The following FRMPD4 variants were observed in gnomAD, a reference collection of about 807,000 sequenced individuals.
FRMPD4 encodes FERM and PDZ domain containing 4.
Under a neutral mutation model 94.1 loss-of-function variants are expected in FRMPD4, and 22 were observed. The observed-to-expected ratio is 0.23, with a 90% CI of 0.17 to 0.33. The LOEUF (loss-of-function observed/expected upper bound fraction) is 0.33. Ranked by LOEUF, FRMPD4 falls within the 10% of genes least tolerant of loss-of-function variation. The pLI is 1.00. For synonymous variants in FRMPD4, 631 were observed against 548.6 expected, an observed-to-expected ratio of 1.15 and a Z score of -2.10; for missense variants, 1,111 against 1,339.9, an observed-to-expected ratio of 0.83 and a Z score of 2.67.
intron 1 of FRMPD4, among the ~76,000 whole-genome samples, chrX:12,216,318 A>G (rs999527623): frequency 1.8e-5 from 2 of 111,555 alleles, no homozygotes; most frequent in Non-Finnish European, 3.8e-5. Flanking sequence ...TCAGCCTAGT[A>G]GCATCCAGAC....
intron 1 of FRMPD4, among the ~76,000 whole-genome samples, chrX:12,298,132 AG>A (rs2054802391): frequency 8.9e-6 from 1 of 111,789 alleles, no homozygotes; most frequent in Non-Finnish European, 1.9e-5. Context: ...AAAAGTAACC[AG>A]GTTTTTTGCT....
At chrX:11,918,518 C>T (rs1364992994) in intron 3 of FRMPD4, among the ~76,000 whole-genome samples, 1 of 112,350 alleles carries the variant, frequency 8.9e-6, no homozygotes, top group Non-Finnish European at 1.9e-5. Flanking sequence ...GTGGGAGAAT[C>T]GCTTGAAACT....
chrX:12,232,824 G>A (rs914180660), intron 1 of FRMPD4, among the ~76,000 whole-genome samples: 4 of 111,801 alleles, frequency 3.6e-5, no homozygotes, highest in Non-Finnish European at 7.5e-5. Context: ...GGACAAATAA[G>A]AGATTCCTTG....
At chrX:11,971,971 C>T (rs2054342571) in intron 3 of FRMPD4, among the ~76,000 whole-genome samples, 1 of 111,587 alleles carries the variant, frequency 9.0e-6, no homozygotes, top group Non-Finnish European at 1.9e-5. Flanking sequence ...CCCCTATTCT[C>T]AAGTGAGAAT....
chrX:12,670,769 A>G (rs2059832063), intron 4 of FRMPD4, among the ~76,000 whole-genome samples: 1 of 112,327 alleles, frequency 8.9e-6, no homozygotes, highest in Admixed American at 9.4e-5. Context: ...GCTTCTGCAC[A>G]GCAAAAGAAA....
At chrX:12,231,343 C>T (rs754595188) in intron 1 of FRMPD4, among the ~76,000 whole-genome samples, 105 of 108,069 alleles carry the variant, frequency 9.7e-4, no homozygotes, top group Non-Finnish European at 1.8e-3. Context: ...TAGTGTCAGC[C>T]TCCTCATTGT....
At chrX:12,276,291 C>T (rs995005191) in intron 1 of FRMPD4, among the ~76,000 whole-genome samples, 4 of 112,252 alleles carry the variant, frequency 3.6e-5, no homozygotes, top group Non-Finnish European at 7.5e-5. Flanking sequence ...GACGATGACA[C>T]AGTCCTCAGG....
At chrX:12,567,856 C>G (rs1363772920) in intron 2 of FRMPD4, among the ~76,000 whole-genome samples, 1 of 111,626 alleles carries the variant, frequency 9.0e-6, no homozygotes, top group Non-Finnish European at 1.9e-5. Flanking sequence ...GCATTTTGAG[C>G]CAACAGAGAT....
chrX:12,104,053 G>A (rs143027032), intron 3 of FRMPD4, among the ~76,000 whole-genome samples: 5,423 of 112,022 alleles, frequency 0.048, 299 homozygotes, highest in African/African-American at 0.17. Context: ...CATGGCAGAA[G>A]TCATTAGGGC....
chrX:12,544,947 T>A lies in FRMPD4; in HGVS notation c.158+46151T>A, dbSNP rs193224194. Among the ~76,000 whole-genome samples the A allele has an allele frequency of 3.8e-3, 425 of 112,264 alleles. 4 individuals are homozygous for A. The highest frequency in any genetic ancestry group is 0.013 in the African/African-American group (410 of 30,971). On this transcript the variant is annotated intron_variant, in intron 2 of 16. Coordinates refer to ENST00000675598, the MANE Select transcript of FRMPD4 (RefSeq NM_001368397.1). The stretch of plus-strand genomic sequence containing the variant: ...ACTAGATTCTGCATACTTTTGTTTC[T>A]GTATCAGTGTAAATGCCCCTTCTGT...
At chrX:11,847,982 T>C (rs2053590408) in intron 1 of FRMPD4, among the ~76,000 whole-genome samples, 4 of 105,062 alleles carry the variant, frequency 3.8e-5, no homozygotes, top group Admixed American at 3.1e-4. Flanking sequence ...TGTAGACATA[T>C]GTAACTAACC....
chrX:12,439,364 T>TAACA (rs1271807140), intron 1 of FRMPD4, among the ~76,000 whole-genome samples: 1 of 111,680 alleles, frequency 9.0e-6, no homozygotes, highest in Non-Finnish European at 1.9e-5. Context: ...GATGGCAGAC[T>TAACA]AACACGTTAG....
chrX:12,590,363 C>T (rs1157065884), intron 2 of FRMPD4, among the ~76,000 whole-genome samples: 1 of 112,048 alleles, frequency 8.9e-6, no homozygotes, highest in Non-Finnish European at 1.9e-5. Context: ...TAGAAAAACC[C>T]TTCTTATTAT....
At chrX:12,507,104 G>A (rs751600289) in intron 2 of FRMPD4, among the ~76,000 whole-genome samples, 2 of 112,284 alleles carry the variant, frequency 1.8e-5, no homozygotes, top group East Asian at 5.6e-4. Context: ...TTTTAAAAAA[G>A]CATTTCTCAC....
At chrX:11,968,687 C>T (rs991830243) in intron 3 of FRMPD4, among the ~76,000 whole-genome samples, 1 of 111,258 alleles carries the variant, frequency 9.0e-6, no homozygotes, top group Non-Finnish European at 1.9e-5. Flanking sequence ...TCCTGAATTC[C>T]TTAGCTTGGA....
intron 1 of FRMPD4, among the ~76,000 whole-genome samples, chrX:12,350,904 A>G (rs188351205): frequency 2.0e-4 from 22 of 112,754 alleles, no homozygotes; most frequent in South Asian, 3.6e-4. Context: ...GGCCGGGCAC[A>G]GTGGCTCACG....
intron 3 of FRMPD4, among the ~76,000 whole-genome samples, chrX:12,070,567 C>T (rs1397149463): frequency 1.8e-5 from 2 of 111,427 alleles, no homozygotes; most frequent in Non-Finnish European, 3.8e-5. Context: ...GTCATTCTGT[C>T]GCCTCTAAAC....
At chrX:12,126,917 T>C (rs1481073578) in intron 3 of FRMPD4, among the ~76,000 whole-genome samples, 1 of 111,626 alleles carries the variant, frequency 9.0e-6, no homozygotes, top group African/African-American at 3.3e-5. Context: ...TATCCACCCA[T>C]TGCTCTATTG....
At chrX:12,259,338 A>C (rs2054159871) in intron 1 of FRMPD4, among the ~76,000 whole-genome samples, 1 of 111,081 alleles carries the variant, frequency 9.0e-6, no homozygotes, top group African/African-American at 3.3e-5. Flanking sequence ...TTATGAGAAG[A>C]GGGAAATTTG....
Sources: allele counts gnomAD v4.1 joint callset (sites outside exome capture counted in the v4.1 genomes callset), GRCh38; gene constraint gnomAD v4.1.1; transcripts MANE v1.5; gene names NCBI Gene and HGNC (gene_info 2026-07-23, HGNC 2026-07-21).